The following RCN3 variants were observed in gnomAD, a reference collection of about 807,000 sequenced individuals.
RCN3 encodes reticulocalbin 3.
In RCN3, 41 loss-of-function variants were observed where a neutral mutation model predicts 35.9. The ratio of observed to expected loss-of-function variants is 1.14; its 90% confidence interval spans 0.89 to 1.48. The LOEUF (loss-of-function observed/expected upper bound fraction) is 1.48, where lower values mean the gene tolerates loss of function less well. Ranked by LOEUF, RCN3 falls within the 40% of genes most tolerant of loss-of-function variation. The pLI, the probability that RCN3 is intolerant of heterozygous loss-of-function variation, is 0.00. For synonymous variants in RCN3, 187 were observed against 193.4 expected, an observed-to-expected ratio of 0.97 and a Z score of 0.27; for missense variants, 451 against 471.3, an observed-to-expected ratio of 0.96 and a Z score of 0.40.
At chr19:49,530,849 A>G (rs973201673) in intron 2 of RCN3, among the ~76,000 whole-genome samples, 1 of 152,186 alleles carries the variant, frequency 6.6e-6, no homozygotes, top group East Asian at 1.9e-4. Flanking sequence ...AGAAGGTGGT[A>G]TGTGGTATTT....
At position 49,528,649 on chromosome 19, in the gene RCN3, C is replaced by T. The variant is rs1306376311; in HGVS notation, c.177C>T (p.Phe59=). 1.9e-6 allele frequency: 3 copies of T among 1,611,888 alleles called. No individual in the cohort carries two copies. The highest frequency in any genetic ancestry group is 2.5e-6 in the Non-Finnish European group (3 of 1,179,114). ...ACTTCCAGTACGACCATGAGGCTTT[C>T]CTGGGACGGGAAGTGGCCAAGGAAT... ...HGNFQYDHEA[F]LGREVAKEFD... is the part of the protein sequence containing the mutation. The change falls in exon 2 of 7, where the codon TTC becomes TTT. Residue 59 remains phenylalanine, a synonymous_variant. Coordinates refer to ENST00000270645, the MANE Select transcript of RCN3 (RefSeq NM_020650.3).
At chr19:49,539,775 C>A (rs919165076) in intron 5 of RCN3, among the ~76,000 whole-genome samples, 3 of 137,884 alleles carry the variant, frequency 2.2e-5, no homozygotes, top group African/African-American at 8.3e-5. Flanking sequence ...CAGGCTGGAG[C>A]GCGGTGGCGT....
In RCN3 at chr19:49,537,188, C is replaced by T. The variant is rs774822949; in HGVS notation, c.601C>T (p.Arg201Trp). The T allele has an allele frequency of 1.1e-5, 17 of 1,544,038 alleles. No homozygotes were observed. Among genetic ancestry groups the T allele is most frequent in the Middle Eastern group, 1.7e-4 (1 of 5,744 alleles). ...FLHPEEFPHM[R>W]DIVIAETLED... ...GCACCCCGAGGAGTTCCCTCACATG[C>T]GGGACATCGTGATTGCTGTGAGTGG... The change falls in exon 4 of 7, where the codon CGG (arginine) becomes TGG (tryptophan). Residue 201 changes from arginine to tryptophan, a missense_variant. Transcript: ENST00000270645.
chr19:49,542,580 A>G lies in RCN3; in HGVS notation c.707A>G (p.Glu236Gly), dbSNP rs1247211905. 1 of 1,606,422 alleles carries G rather than the reference A, an allele frequency of 6.2e-7. No individual in the cohort carries two copies. Among genetic ancestry groups the G allele is most frequent in the Non-Finnish European group, 8.5e-7 (1 of 1,177,100 alleles). Residue 236 changes from glutamate to glycine, a missense_variant, in exon 6 of 7, where the codon GAG becomes GGG. Coordinates refer to ENST00000270645, the MANE Select transcript of RCN3 (RefSeq NM_020650.3). ...GATCTGTACTCAGCCGAGCCTGGGGAGGAGGAGCCGGCGTGGGTGCAGACG... is the reference window on the plus strand; with the variant it reads ...GATCTGTACTCAGCCGAGCCTGGGGGGGAGGAGCCGGCGTGGGTGCAGACG... ...IADLYSAEPG[E>G]EEPAWVQTER...
chr19:49,529,740 T>TTTTATTTATTTATTTA (rs57928834), intron 2 of RCN3, among the ~76,000 whole-genome samples: 16 of 150,924 alleles, frequency 1.1e-4, no homozygotes, highest in African/African-American at 3.9e-4. Flanking sequence ...GAGTTGCAAT[T>TTTTATTTATTTATTTA]TTTATTTATT....
chr19:49,533,496 A>G (rs2080118685), intron 2 of RCN3, among the ~76,000 whole-genome samples: 1 of 152,068 alleles, frequency 6.6e-6, no homozygotes, highest in Admixed American at 6.6e-5. Flanking sequence ...GATGGAACCT[A>G]AAGTGGCTTG....
intron 3 of RCN3, among the ~76,000 whole-genome samples, chr19:49,536,205 C>T (rs1469219668): frequency 2.7e-5 from 4 of 150,264 alleles, no homozygotes; most frequent in East Asian, 2.0e-4. Flanking sequence ...AGGCTGGTCT[C>T]GAACTCCCAA....
intron 4 of RCN3, among the ~76,000 whole-genome samples, chr19:49,537,929 G>A (rs1004786385): frequency 6.6e-5 from 10 of 151,672 alleles, no homozygotes; most frequent in African/African-American, 9.7e-5. Flanking sequence ...ATGAGCCACC[G>A]TGCCTGGCCC....
intron 6 of RCN3, 152 bp downstream of exon 6, chr19:49,542,904 G>A (rs2080170234): frequency 1.0e-5 from 8 of 798,140 alleles, no homozygotes; most frequent in Admixed American, 6.0e-5. Context: ...GAGAGGGCAC[G>A]GAGCCCCAGA....
At chr19:49,536,565 T>C (rs931486804) in intron 3 of RCN3, among the ~76,000 whole-genome samples, 1 of 151,248 alleles carries the variant, frequency 6.6e-6, no homozygotes, top group Non-Finnish European at 1.5e-5. Context: ...CCTCCCAAAG[T>C]GCTGGGATTA....
chr19:49,540,389 T>A (rs1312158710), intron 5 of RCN3, among the ~76,000 whole-genome samples: 1 of 152,016 alleles, frequency 6.6e-6, no homozygotes, highest in African/African-American at 2.4e-5. Flanking sequence ...ATCCCAGCAC[T>A]TTGGGAGGCT....
intron 2 of RCN3, 59 bp from the exon 3 acceptor site, chr19:49,534,134 C>A (rs1039365700): frequency 7.1e-7 from 1 of 1,412,758 alleles, no homozygotes; most frequent in East Asian, 2.8e-5. Flanking sequence ...GTGGCCCGTG[C>A]GAGGGGCGGG....
intron 2 of RCN3, among the ~76,000 whole-genome samples, chr19:49,532,222 C>T (rs1169440284): frequency 1.3e-5 from 2 of 148,724 alleles, no homozygotes; most frequent in Admixed American, 6.8e-5. Flanking sequence ...TCTCCTGCCT[C>T]AGCCTCCCGA....
chr19:49,537,049 C>A lies in RCN3; in HGVS notation c.462C>A (p.Asp154Glu). 1 of 1,547,330 alleles carries A rather than the reference C, an allele frequency of 6.5e-7. No homozygotes were observed. Among genetic ancestry groups the A allele is most frequent in the Admixed American group, 1.9e-5 (1 of 51,334 alleles). The change falls in exon 4 of 7, where the codon GAC becomes GAA. Residue 154 changes from aspartate (D) to glutamate (E), a missense_variant. Coordinates refer to ENST00000270645, the MANE Select transcript of RCN3 (RefSeq NM_020650.3). ...GHYAPGEEFH[D>E]VEDAETYKKM... The stretch of plus-strand genomic sequence containing the variant: ...CTTCCCCAGGTGAAGAATTTCATGA[C>A]GTGGAGGATGCAGAGACCTACAAAA...
chr19:49,543,359 T>C lies in RCN3; in HGVS notation c.*146T>C. 1.5e-6 allele frequency: 1 copy of C among 687,394 alleles called. No individual in the cohort carries two copies. Among genetic ancestry groups the C allele is most frequent in the Non-Finnish European group, 2.6e-6 (1 of 390,640 alleles). The allele number at this position is 687,394 out of a possible 1,614,324, so 42.6% of individuals were successfully genotyped here. On this transcript the variant is annotated 3_prime_UTR_variant, in exon 7 of 7. Coordinates refer to ENST00000270645, the MANE Select transcript of RCN3 (RefSeq NM_020650.3). ...TGCCCCTGGGCTCTCAGGGACCCCC[T>C]GGGTCGGCTTCTGTCCCTGTCACAC...
chr19:49,528,613 C>T lies in RCN3; in HGVS notation c.141C>T (p.Asp47=), dbSNP rs1239582091. 4.3e-6 allele frequency: 7 copies of T among 1,612,008 alleles called. No individual in the cohort carries two copies. The highest frequency in any genetic ancestry group is 4.2e-6 in the Non-Finnish European group (5 of 1,179,148). The change falls in exon 2 of 7, where the codon GAC becomes GAT. Residue 47 remains aspartate, a synonymous_variant. Transcript: ENST00000270645. ...CCCTGAGCGACGCTCCCCATGATGACGCCCACGGGAACTTCCAGTACGACC... is the reference window on the plus strand; with the variant it reads ...CCCTGAGCGACGCTCCCCATGATGATGCCCACGGGAACTTCCAGTACGACC... The part of the protein sequence containing the change: ...AAPLSDAPHD[D]AHGNFQYDHE...
chr19:49,529,887 G>C (rs2080100092), intron 2 of RCN3, among the ~76,000 whole-genome samples: 1 of 151,700 alleles, frequency 6.6e-6, no homozygotes, highest in Non-Finnish European at 1.5e-5. Flanking sequence ...CTCCCAAGTA[G>C]CTGGGATTAC....
intron 3 of RCN3, among the ~76,000 whole-genome samples, chr19:49,536,655 C>T (rs2080137094): frequency 6.7e-6 from 1 of 148,478 alleles, no homozygotes; most frequent in Non-Finnish European, 1.5e-5. Flanking sequence ...GTCGCCCAGG[C>T]TGGAAAGCAG....
intron 5 of RCN3, 30 bp from the exon 6 acceptor site, chr19:49,542,522 CT>C (rs1369389315): frequency 6.5e-7 from 1 of 1,534,530 alleles, no homozygotes; most frequent in Non-Finnish European, 8.8e-7. Context: ...AGAGCTGCCC[CT>C]GACCTTGTCC....
Sources: allele counts gnomAD v4.1 joint callset (sites outside exome capture counted in the v4.1 genomes callset), GRCh38; gene constraint gnomAD v4.1.1; transcripts MANE v1.5; gene names NCBI Gene and HGNC (gene_info 2026-07-23, HGNC 2026-07-21).